Variants in AHCTF1 observed in about 807,000 individuals in gnomAD.
The protein encoded by AHCTF1 is AT-hook containing transcription factor 1, also known as protein ELYS.
AHCTF1 carries 24 observed loss-of-function variants against 248.4 expected under a neutral mutation model. The ratio of observed to expected loss-of-function variants is 0.10; its 90% CI spans 0.07 to 0.14. AHCTF1 has a LOEUF of 0.14. AHCTF1 is among the 10% of genes least tolerant of loss of function. AHCTF1 has a pLI of 1.00. For synonymous variants in AHCTF1, 786 were observed against 929.8 expected (o/e 0.85, Z 2.81); for missense variants, 2,206 against 2,636.2 (o/e 0.84, Z 3.57).
Position 246,857,818 on chromosome 1 carries a change from T to C in AHCTF1, c.4133-4A>G. On this transcript the variant is annotated splice_polypyrimidine_tract_variant and splice_region_variant and intron_variant, in intron 29 of 35. Transcript: ENST00000648844. ...GTTTCTGCATCTTCTAAATTGCCTA[T>C]AAGTCATACAAATAAGAATATTATT... The C allele has an allele frequency of 6.2e-7, 1 of 1,602,004 alleles. No homozygotes were observed. The highest frequency in any genetic ancestry group is 1.7e-5 in the Admixed American group (1 of 59,100).
chr1:246,914,067 A>T (rs948445890), intron 3 of AHCTF1, among the ~76,000 whole-genome samples: 3 of 152,230 alleles, frequency 2.0e-5, no homozygotes, highest in Non-Finnish European at 4.4e-5. Context: ...TTATTTAAAG[A>T]AAAGTATACT....
At chr1:246,930,998 G>A (rs1667309161) in intron 1 of AHCTF1, 21 of 1,289,254 alleles carry the variant, frequency 1.6e-5, no homozygotes, top group Non-Finnish European at 2.2e-5. Flanking sequence ...TGTTTCCCAG[G>A]TAGGAAAAAG....
rs1665830185 is a variant in AHCTF1 at position 246,911,901 on chromosome 1, T to C, written c.556+1331A>G. 2.0e-5 allele frequency among the ~76,000 whole-genome samples: 3 copies of C among 152,142 alleles called. No homozygotes were observed. The South Asian group carries it at 6.2e-4, about 31-fold the overall frequency. The stretch of plus-strand genomic sequence containing the variant: ...CAGATGATTTTGGCTCTTCCATTTC[T>C]TGTTAAGTATAGTTTTTATCACTTG... On this transcript the variant is annotated intron_variant, in intron 4 of 35. Coordinates refer to ENST00000648844, the MANE Select transcript of AHCTF1 (RefSeq NM_001323342.2).
chr1:246,883,582 TA>T (rs1663610116), intron 21 of AHCTF1, among the ~76,000 whole-genome samples: 1 of 152,228 alleles, frequency 6.6e-6, no homozygotes, highest in Non-Finnish European at 1.5e-5. Context: ...GATGTTTCAA[TA>T]AAAACTATCA....
chr1:246,884,846 T>C (rs932138725), intron 21 of AHCTF1, among the ~76,000 whole-genome samples: 8 of 152,146 alleles, frequency 5.3e-5, no homozygotes, highest in East Asian at 1.9e-4. Flanking sequence ...AATGACAAAA[T>C]TGAAATACAA....
At chr1:246,885,775 TAA>T in intron 20 of AHCTF1, 95 bp from the exon 21 acceptor site, 3 of 1,169,124 alleles carry the variant, frequency 2.6e-6, no homozygotes, top group Non-Finnish European at 3.6e-6. Flanking sequence ...AAAATCCAGA[TAA>T]GACTCGTTTA....
At chr1:246,853,725 CAAATAGGTACAAAT>C (rs1245042345) in intron 31 of AHCTF1, among the ~76,000 whole-genome samples, 1 of 152,126 alleles carries the variant, frequency 6.6e-6, no homozygotes, top group African/African-American at 2.4e-5. Context: ...AGAAAGCATT[CAAATAGGTACAAAT>C]GTACTCTACT....
chr1:246,841,110 A>G lies in AHCTF1; in HGVS notation c.6609-112T>C. 3.5e-6 allele frequency: 3 copies of G among 861,994 alleles called. No individual in the cohort carries two copies. In the East Asian group the frequency reaches 8.7e-5, roughly 25 times the overall value. The allele number at this position is 861,994 out of a possible 1,614,324, so 53.4% of individuals were successfully genotyped here. Reference sequence around the variant, plus strand: ...AGGGACTGCTTAGTGCTTTCATTTTATAAAAGATGTAATGGTTTCAAGGGA... The same window carrying G: ...AGGGACTGCTTAGTGCTTTCATTTTGTAAAAGATGTAATGGTTTCAAGGGA... On this transcript the variant is annotated intron_variant, in intron 35 of 35. Coordinates refer to ENST00000648844, the MANE Select transcript of AHCTF1 (RefSeq NM_001323342.2).
chr1:246,875,221 CCCT>C (rs1474805086), intron 24 of AHCTF1, among the ~76,000 whole-genome samples: 1 of 152,012 alleles, frequency 6.6e-6, no homozygotes, highest in Non-Finnish European at 1.5e-5. Context: ...CTCCATAAAA[CCCT>C]CCTGTCACCT....
Position 246,843,790 on chromosome 1 carries a change from C to T in AHCTF1, c.6525+5G>A. On this transcript the variant is annotated splice_donor_5th_base_variant and intron_variant, in intron 34 of 35. Transcript: ENST00000648844. Reference sequence around the variant, plus strand: ...AACATACAAATAAAATCATGCATTTCTTACCAGTTCATCTTCAAGCTTGTT... The same window carrying T: ...AACATACAAATAAAATCATGCATTTTTTACCAGTTCATCTTCAAGCTTGTT... 1 of 1,413,958 alleles carries T rather than the reference C, an allele frequency of 7.1e-7. No individual in the cohort carries two copies. Among genetic ancestry groups the T allele is most frequent in the East Asian group, 2.7e-5 (1 of 37,666 alleles). 87.6% of individuals were successfully genotyped at this position (1,413,958 alleles called of 1,614,324 possible). A position where few individuals can be genotyped will look rare whatever the true frequency, so the allele number is the denominator to read the frequency against.
rs1260999435 is a variant in AHCTF1, at chr1:246,842,763, T to C, written c.6539A>G (p.Gln2180Arg). ...TGGCTTTCCCAGAGTTTCTACTGAT[T>C]GTGCATCATCTTTCTATGGGTTAAA... ...KLEDELKDDA[Q>R]SVETLGKPKA... is the part of the protein sequence containing the mutation. Residue 2180 changes from glutamine to arginine, a missense_variant, in exon 35 of 36, where the codon CAA (glutamine) becomes CGA (arginine). Coordinates refer to ENST00000648844, the MANE Select transcript of AHCTF1 (RefSeq NM_001323342.2). The C allele has an allele frequency of 1.2e-6, 2 of 1,613,624 alleles. No individual in the cohort carries two copies. Among genetic ancestry groups the C allele is most frequent in the Admixed American group, 1.7e-5 (1 of 60,002 alleles).
intron 7 of AHCTF1, 97 bp downstream of exon 7, chr1:246,903,852 A>ACC (rs1239793105): frequency 3.4e-5 from 35 of 1,042,560 alleles, no homozygotes; most frequent in Non-Finnish European, 4.6e-5. Context: ...AAAAAAAAAA[A>ACC]AAGAATCACT....
chr1:246,867,042 T>C (rs1488774137), intron 26 of AHCTF1, among the ~76,000 whole-genome samples: 1 of 152,174 alleles, frequency 6.6e-6, no homozygotes, highest in Non-Finnish European at 1.5e-5. Context: ...CAGTCTGAAA[T>C]TATTGAACAA....
rs754368961 is a variant in AHCTF1, at chr1:246,888,467, A to G, written c.2195T>C (p.Leu732Ser). The G allele has an allele frequency of 4.3e-6, 7 of 1,613,650 alleles. No individual in the cohort carries two copies. Among genetic ancestry groups the G allele is most frequent in the Non-Finnish European group, 2.5e-6 (3 of 1,179,984 alleles). ...CCACAACTTCTCAATTCGCTCTCCTAACTGAGAAACCAGTCCATCAATCAT... is the reference window on the plus strand; with the variant it reads ...CCACAACTTCTCAATTCGCTCTCCTGACTGAGAAACCAGTCCATCAATCAT... Reference protein sequence around the residue: ...CLMIDGLVSQLGERIEKLWKR... With the variant: ...CLMIDGLVSQSGERIEKLWKR... The change falls in exon 18 of 36, where the codon TTA becomes TCA. Residue 732 changes from leucine (L) to serine (S), a missense_variant. This residue lies in a region of AHCTF1 where 650 missense variants were observed against 870.8 expected (regional missense o/e 0.75). Transcript: ENST00000648844.
chr1:246,896,586 G>A (rs986073104), intron 12 of AHCTF1, among the ~76,000 whole-genome samples: 4 of 152,164 alleles, frequency 2.6e-5, no homozygotes, highest in African/African-American at 9.7e-5. Context: ...GAAAAGGAGT[G>A]ACTGTTTATG....
chr1:246,883,347 G>A (rs888496583), intron 21 of AHCTF1, among the ~76,000 whole-genome samples: 6 of 152,198 alleles, frequency 3.9e-5, no homozygotes, highest in African/African-American at 1.4e-4. Flanking sequence ...CTGGACTAGA[G>A]ATGTAGGTAT....
intron 7 of AHCTF1, among the ~76,000 whole-genome samples, chr1:246,903,403 TC>T (rs1300636334): frequency 6.6e-6 from 1 of 152,180 alleles, no homozygotes; most frequent in Non-Finnish European, 1.5e-5. Flanking sequence ...TTGAATCTAG[TC>T]CAGTCCCCTC....
At chr1:246,881,059 T>C (rs1019094487) in intron 21 of AHCTF1, among the ~76,000 whole-genome samples, 1 of 152,152 alleles carries the variant, frequency 6.6e-6, no homozygotes, top group African/African-American at 2.4e-5. Context: ...AAATGCACGG[T>C]GGAGACCACA....
intron 11 of AHCTF1, 122 bp downstream of exon 11, chr1:246,899,329 C>A: frequency 1.4e-6 from 1 of 723,230 alleles, no homozygotes; most frequent in South Asian, 2.3e-5. Flanking sequence ...ATAAACCTAG[C>A]AGAAGCTACC....
Sources: allele counts gnomAD v4.1 joint callset (sites outside exome capture counted in the v4.1 genomes callset), GRCh38; gene constraint gnomAD v4.1.1; regional missense constraint gnomAD v4.1.1; transcripts MANE v1.5; gene names NCBI Gene and HGNC (gene_info 2026-07-23, HGNC 2026-07-21).